The following RGS17 variants were observed in gnomAD, a reference collection of about 807,000 sequenced individuals.
The protein encoded by RGS17 is regulator of G-protein signaling 17.
Under a neutral mutation model 25.5 loss-of-function variants are expected in RGS17, and 12 were observed. That is an observed-to-expected ratio of 0.47 (90% confidence interval 0.30 to 0.76). The LOEUF (loss-of-function observed/expected upper bound fraction) is 0.76, where lower values mean the gene tolerates loss of function less well. Ranked by LOEUF, RGS17 falls within the 30% of genes least tolerant of loss-of-function variation. RGS17 has a pLI of 0.07. For missense variants in RGS17, 196 were observed against 242.2 expected, an observed-to-expected ratio of 0.81 and a Z score of 1.27; for synonymous variants, 71 against 76.9, an observed-to-expected ratio of 0.92 and a Z score of 0.40.
rs1779073839 is a variant in RGS17 at position 153,006,346 on chromosome 6, A to G, written c.*5228T>C. On this transcript the variant is annotated 3_prime_UTR_variant, in exon 5 of 5. Coordinates refer to ENST00000206262, the MANE Select transcript of RGS17 (RefSeq NM_012419.5). ...GGGAATGTTGTTTTATTTCCTTTGGAAATAAAACTTTCAAATGATTGATCT... is the reference window on the plus strand; with the variant it reads ...GGGAATGTTGTTTTATTTCCTTTGGGAATAAAACTTTCAAATGATTGATCT... The G allele has an allele frequency of 6.6e-6, 1 of 152,512 alleles. No homozygotes were observed. The highest frequency in any genetic ancestry group is 2.1e-4 in the South Asian group (1 of 4,824). 9.4% of individuals were successfully genotyped at this position (152,512 alleles called of 1,614,324 possible). A position where few individuals can be genotyped will look rare whatever the true frequency, so the allele number is the denominator to read the frequency against.
chr6:153,052,713 A>T (rs917849133), intron 1 of RGS17, among the ~76,000 whole-genome samples: 10 of 152,138 alleles, frequency 6.6e-5, no homozygotes, highest in African/African-American at 2.4e-4. Flanking sequence ...GATGGAAATA[A>T]TGTATTCTGC....
intron 2 of RGS17, among the ~76,000 whole-genome samples, chr6:153,028,609 G>A (rs539796563): frequency 1.3e-5 from 2 of 152,198 alleles, no homozygotes; most frequent in South Asian, 4.1e-4. Context: ...GATGGGGGGG[G>A]ATACACTGCT....
At chr6:153,131,073 C>T (rs1376381187) in intron 1 of RGS17, 51 bp downstream of exon 1, 2 of 152,044 alleles carry the variant, frequency 1.3e-5, no homozygotes, top group Non-Finnish European at 2.9e-5. Flanking sequence ...GCAAAGCAGA[C>T]ATTTTGATGT....
intron 1 of RGS17, among the ~76,000 whole-genome samples, chr6:153,104,823 CAAAA>C (rs113931901): frequency 1.1e-5 from 1 of 87,556 alleles, no homozygotes. Flanking sequence ...ACTCTTGTCT[CAAAA>C]AAAAAAAAAA....
chr6:153,076,383 C>A (rs1776879653), intron 1 of RGS17, among the ~76,000 whole-genome samples: 1 of 151,996 alleles, frequency 6.6e-6, no homozygotes. Flanking sequence ...AATATTGCAA[C>A]TGAATTAGAA....
intron 1 of RGS17, among the ~76,000 whole-genome samples, chr6:153,122,425 C>T (rs1226186075): frequency 6.6e-6 from 1 of 152,004 alleles, no homozygotes; most frequent in Non-Finnish European, 1.5e-5. Flanking sequence ...ATAGGTGGGT[C>T]ATTAGACATT....
chr6:153,105,022 T>C lies in RGS17; in HGVS notation c.-26+26102A>G, dbSNP rs1472561984. 4.6e-5 allele frequency among the ~76,000 whole-genome samples: 7 copies of C among 151,992 alleles called. No homozygotes were observed. In the East Asian group the frequency reaches 1.4e-3, roughly 29 times the overall value. On this transcript the variant is annotated intron_variant, in intron 1 of 4. Coordinates refer to ENST00000206262, the MANE Select transcript of RGS17 (RefSeq NM_012419.5). Reference sequence around the variant, plus strand: ...GAGAGGCTGGATGGCCAGAGCAGAATCAGAAAGGAAGAGCCTGGAAGGTGA... The same window carrying C: ...GAGAGGCTGGATGGCCAGAGCAGAACCAGAAAGGAAGAGCCTGGAAGGTGA...
At position 153,006,246 on chromosome 6, in the gene RGS17, A is replaced by G. The variant is rs1180730939; in HGVS notation, c.*5328T>C. On this transcript the variant is annotated 3_prime_UTR_variant, in exon 5 of 5. Transcript: ENST00000206262. ...TAAAAAGAGTGTTTTCTAATTGTCA[A>G]TCTCTTATAACTTAGTCTTAGCCCT... The G allele has an allele frequency of 6.6e-6, 1 of 152,240 alleles. No homozygotes were observed. Among genetic ancestry groups the G allele is most frequent in the African/African-American group, 2.4e-5 (1 of 41,434 alleles). The allele number at this position is 152,240 out of a possible 1,614,324, so 9.4% of individuals were successfully genotyped here.
chr6:153,121,703 C>G (rs573378994), intron 1 of RGS17, among the ~76,000 whole-genome samples: 25 of 152,208 alleles, frequency 1.6e-4, no homozygotes, highest in African/African-American at 6.0e-4. Flanking sequence ...CACAAAGATA[C>G]AGTTGATTTT....
At chr6:153,078,063 G>C (rs1776912356) in intron 1 of RGS17, among the ~76,000 whole-genome samples, 2 of 152,004 alleles carry the variant, frequency 1.3e-5, no homozygotes. Flanking sequence ...TAGTGGAGAA[G>C]GCGATTCACA....
At chr6:153,041,433 G>A (rs1776319684) in intron 2 of RGS17, among the ~76,000 whole-genome samples, 1 of 152,128 alleles carries the variant, frequency 6.6e-6, no homozygotes. Flanking sequence ...AAGCTGTTTT[G>A]TTCTCCATCT....
intron 1 of RGS17, among the ~76,000 whole-genome samples, chr6:153,057,482 C>G (rs1011458839): frequency 2.0e-5 from 3 of 152,078 alleles, no homozygotes; most frequent in African/African-American, 7.2e-5. Flanking sequence ...CAGGCTGCCT[C>G]TGTACAAATC....
chr6:153,054,157 C>A, intron 1 of RGS17, among the ~76,000 whole-genome samples: 1 of 124,288 alleles, frequency 8.0e-6, no homozygotes, highest in African/African-American at 3.0e-5. Context: ...GCAGGAATTT[C>A]TTATTTATAT....
At chr6:153,121,517 C>T (rs1777630758) in intron 1 of RGS17, among the ~76,000 whole-genome samples, 1 of 152,174 alleles carries the variant, frequency 6.6e-6, no homozygotes, top group Non-Finnish European at 1.5e-5. Flanking sequence ...AAAATAATCT[C>T]AGTGGCAATG....
intron 1 of RGS17, among the ~76,000 whole-genome samples, chr6:153,066,483 A>G (rs1320201059): frequency 1.3e-5 from 2 of 152,180 alleles, no homozygotes; most frequent in East Asian, 3.9e-4. Context: ...AGGAGGGAAT[A>G]CTTCCATTCC....
Position 153,130,562 on chromosome 6 carries a change from C to A in RGS17, c.-26+562G>T, listed in dbSNP as rs1417374347. Among the ~76,000 whole-genome samples the A allele has an allele frequency of 6.6e-6, 1 of 152,094 alleles. No individual in the cohort carries two copies. The highest frequency in any genetic ancestry group is 1.5e-5 in the Non-Finnish European group (1 of 68,004). ...GGATTCATTTTCGCAACCTCTTCTT[C>A]GAACACCTTCCCCACCTGAGCAGTG... On this transcript the variant is annotated intron_variant, in intron 1 of 4. Coordinates refer to ENST00000206262, the MANE Select transcript of RGS17 (RefSeq NM_012419.5). This position sits in a 1 kb window ranked among gnomAD's most constrained non-coding sequence, Gnocchi z 6.4.
intron 1 of RGS17, among the ~76,000 whole-genome samples, chr6:153,085,732 T>C (rs1355407372): frequency 6.6e-6 from 1 of 152,216 alleles, no homozygotes; most frequent in South Asian, 2.1e-4. Flanking sequence ...TGAAGTTTCA[T>C]AGCTACATTT....
chr6:153,091,577 A>G (rs569837509), intron 1 of RGS17, among the ~76,000 whole-genome samples: 2 of 152,092 alleles, frequency 1.3e-5, no homozygotes, highest in African/African-American at 4.8e-5. Flanking sequence ...CACAGGTGCA[A>G]TCTTGGCTCA....
At chr6:153,076,282 A>G (rs1776877254) in intron 1 of RGS17, among the ~76,000 whole-genome samples, 1 of 151,988 alleles carries the variant, frequency 6.6e-6, no homozygotes, top group Admixed American at 6.5e-5. Flanking sequence ...AATAACAAAA[A>G]TATATAAAAA....
Sources: gnomAD v4.1 joint callset for allele counts (sites outside exome capture counted in the v4.1 genomes callset) on GRCh38, gnomAD v4.1.1 for gene constraint, Gnocchi (gnomAD v3.1) non-coding constraint, MANE v1.5 for transcripts, NCBI Gene and HGNC (gene_info 2026-07-23, HGNC 2026-07-21) for gene names.